The following PLEKHA7 variants were observed in gnomAD, a reference collection of about 807,000 sequenced individuals.
The protein encoded by PLEKHA7 is pleckstrin homology domain containing A7.
In PLEKHA7, 104 loss-of-function variants were observed where a neutral mutation model predicts 170.0. The observed-to-expected ratio is 0.61, with a 90% CI of 0.52 to 0.72. The LOEUF (loss-of-function observed/expected upper bound fraction) is 0.72, where lower values mean the gene tolerates loss of function less well. Ranked by LOEUF, PLEKHA7 falls within the 30% of genes least tolerant of loss-of-function variation. The probability of loss-of-function intolerance (pLI) is 0.00; values close to 1 mark genes in which losing one functional copy is unlikely to be tolerated. For synonymous variants in PLEKHA7, 648 were observed against 660.8 expected, an observed-to-expected ratio of 0.98 and a Z score of 0.30; for missense variants, 1,615 against 1,671.7, an observed-to-expected ratio of 0.97 and a Z score of 0.59.
At chr11:17,013,686 G>A (rs1489960347) in intron 3 of PLEKHA7, among the ~76,000 whole-genome samples, 1 of 152,234 alleles carries the variant, frequency 6.6e-6, no homozygotes, top group African/African-American at 2.4e-5. Context: ...GACCCTAGAG[G>A]GGAGGCGTGC....
At position 16,826,527 on chromosome 11, in the gene PLEKHA7, T is replaced by C. The variant is rs1022965654; in HGVS notation, c.936A>G (p.Glu312=). The C allele has an allele frequency of 4.3e-6, 7 of 1,614,056 alleles. No homozygotes were observed. The highest frequency in any genetic ancestry group is 3.3e-5 in the Admixed American group (2 of 60,008). ...PQANHTESCH[E]CGRVGPGHTR... ...TATGTCCGGGTCCCACCCGGCCACA[T>C]TCGTGACAGGACTCTGTGTGGTTGG... The change falls in exon 10 of 27, where the codon GAA becomes GAG. Residue 312 remains glutamate (E), a synonymous_variant. Coordinates refer to ENST00000531066, the MANE Select transcript of PLEKHA7 (RefSeq NM_001329630.2).
rs560005518 is a variant in PLEKHA7 at position 16,870,201 on chromosome 11, C to T, written c.305+898G>A. ...AGAAAGAACTCAGAATGTCCAGGGA[C>T]GATGGGGATTACCAGCTCTCCTCTC... On this transcript the variant is annotated intron_variant, in intron 4 of 26. Transcript: ENST00000531066. 2.0e-5 allele frequency among the ~76,000 whole-genome samples: 3 copies of T among 152,234 alleles called. No homozygotes were observed. In the South Asian group the frequency reaches 6.2e-4, roughly 32 times the overall value.
At chr11:16,877,750 G>A (rs183802966) in intron 3 of PLEKHA7, among the ~76,000 whole-genome samples, 36 of 152,224 alleles carry the variant, frequency 2.4e-4, no homozygotes. Context: ...TAAGCAACAA[G>A]TCAGCCCAGA....
intron 12 of PLEKHA7, chr11:16,813,445 G>A (rs1180311014): frequency 1.6e-5 from 6 of 366,552 alleles, no homozygotes; most frequent in South Asian, 9.2e-5. Context: ...CCAGGGCTAG[G>A]GTAGCTGAGG....
At chr11:16,973,868 T>C (rs2136747958) in intron 3 of PLEKHA7, among the ~76,000 whole-genome samples, 1 of 152,236 alleles carries the variant, frequency 6.6e-6, no homozygotes, top group East Asian at 1.9e-4. Flanking sequence ...TCCTGCCACA[T>C]CACCCACTTC....
chr11:16,914,352 A>G (rs1858479746), intron 3 of PLEKHA7, among the ~76,000 whole-genome samples: 3 of 152,242 alleles, frequency 2.0e-5, no homozygotes, highest in Non-Finnish European at 4.4e-5. Context: ...GACGTACCTC[A>G]GCGCCATAAA....
At position 16,920,909 on chromosome 11, in the gene PLEKHA7, C is replaced by A. The variant is rs565783501; in HGVS notation, c.222-49727G>T. 2.0e-5 allele frequency among the ~76,000 whole-genome samples: 3 copies of A among 152,298 alleles called. No homozygotes were observed. In the South Asian group the frequency reaches 6.2e-4, roughly 32 times the overall value. On this transcript the variant is annotated intron_variant, in intron 3 of 26. Coordinates refer to ENST00000531066, the MANE Select transcript of PLEKHA7 (RefSeq NM_001329630.2). ...CTGTATTGCTTTATTGGTGTCACAC[C>A]TGCATAAATGTTGTTCATGTAATAA...
intron 3 of PLEKHA7, among the ~76,000 whole-genome samples, chr11:16,915,100 G>C (rs183251686): frequency 6.6e-6 from 1 of 152,198 alleles, no homozygotes; most frequent in East Asian, 1.9e-4. Flanking sequence ...CCCTGTGGCC[G>C]AATTCCCCAA....
chr11:16,816,671 T>C (rs772559163), intron 11 of PLEKHA7, 129 bp downstream of exon 11: 39 of 1,173,540 alleles, frequency 3.3e-5, no homozygotes, highest in Non-Finnish European at 4.3e-5. Context: ...GCATCTATTA[T>C]TAAAATGTAC....
In PLEKHA7 at chr11:16,789,116, GCGGC is replaced by G. The variant is rs1849607132; in HGVS notation, c.3333_3336del (p.Pro1112SerfsTer36). ...CATACTGAGCCAAGATCTCCAGGGA[GCGGC>G]CGGCTGAGGTAGCGAGATGAGGGCA... On this transcript the variant is annotated frameshift_variant, in exon 23 of 27. Transcript: ENST00000531066. LOFTEE classifies it high-confidence loss of function. This position sits in a 1 kb window ranked among gnomAD's most constrained non-coding sequence, Gnocchi z 4.6. 1 of 1,605,300 alleles carries G rather than the reference GCGGC, an allele frequency of 6.2e-7. No homozygotes were observed. Among genetic ancestry groups the G allele is most frequent in the East Asian group, 2.2e-5 (1 of 44,862 alleles).
intron 4 of PLEKHA7, among the ~76,000 whole-genome samples, chr11:16,863,202 G>T (rs889238873): frequency 3.9e-4 from 59 of 152,064 alleles, no homozygotes; most frequent in Admixed American, 9.2e-4. Context: ...AAAATGAACC[G>T]CCTTTAGCAA....
chr11:16,858,770 G>A (rs1483905611), intron 4 of PLEKHA7, among the ~76,000 whole-genome samples: 1 of 152,136 alleles, frequency 6.6e-6, no homozygotes, highest in Non-Finnish European at 1.5e-5. Context: ...GGGATTACAA[G>A]CATGAGCCAC....
At chr11:16,866,495 G>C (rs529772792) in intron 4 of PLEKHA7, among the ~76,000 whole-genome samples, 61 of 152,240 alleles carry the variant, frequency 4.0e-4, no homozygotes, top group Admixed American at 4.6e-4. Flanking sequence ...GGGAGACTGA[G>C]GCAGAAGAAT....
At chr11:16,985,410 C>A (rs576023175) in intron 3 of PLEKHA7, among the ~76,000 whole-genome samples, 1 of 152,164 alleles carries the variant, frequency 6.6e-6, no homozygotes, top group Admixed American at 6.5e-5. Context: ...TAGAATGGAC[C>A]CTGCCTTGAA....
At chr11:16,941,308 G>T (rs973843479) in intron 3 of PLEKHA7, among the ~76,000 whole-genome samples, 1 of 152,164 alleles carries the variant, frequency 6.6e-6, no homozygotes, top group African/African-American at 2.4e-5. Context: ...GTCCAGCTTG[G>T]ATGCCCCTAA....
At chr11:16,936,026 G>A (rs1294773683) in intron 3 of PLEKHA7, among the ~76,000 whole-genome samples, 1 of 152,268 alleles carries the variant, frequency 6.6e-6, no homozygotes, top group East Asian at 1.9e-4. Flanking sequence ...ACGGTAGGTG[G>A]CAACACTGAG....
In PLEKHA7 at chr11:16,798,491, C is replaced by G. The variant is rs146058140; in HGVS notation, c.2409+2483G>C. On this transcript the variant is annotated intron_variant, in intron 17 of 26. Transcript: ENST00000531066. ...GGGGGAAAAAAAAAAGGATTCTAGG[C>G]CTGCTATATGTTAAATCACCATGAC... Among the ~76,000 whole-genome samples, 594 of 152,200 alleles carry G rather than the reference C, an allele frequency of 3.9e-3. 4 individuals are homozygous for G. Among genetic ancestry groups the G allele is most frequent in the Middle Eastern group, 0.01 (3 of 294 alleles).
chr11:16,846,234 G>C (rs1190570929), intron 8 of PLEKHA7, among the ~76,000 whole-genome samples: 1 of 151,988 alleles, frequency 6.6e-6, no homozygotes, highest in South Asian at 2.1e-4. Context: ...GCAGTGAGTG[G>C]AGATCACGCG....
At chr11:16,959,912 AAGCCCAACTGAAGG>A (rs1224762472) in intron 3 of PLEKHA7, among the ~76,000 whole-genome samples, 1 of 152,076 alleles carries the variant, frequency 6.6e-6, no homozygotes, top group African/African-American at 2.4e-5. Context: ...TCCCCGGGCC[AAGCCCAACTGAAGG>A]AGCCCAGGTA....
Sources: allele counts gnomAD v4.1 joint callset (sites outside exome capture counted in the v4.1 genomes callset), GRCh38; gene constraint gnomAD v4.1.1; non-coding constraint Gnocchi (gnomAD v3.1); transcripts MANE v1.5; gene names NCBI Gene and HGNC (gene_info 2026-07-23, HGNC 2026-07-21).